SDK2: variants seen among roughly 807,000 people sequenced by gnomAD.
SDK2 encodes protein sidekick-2.
SDK2 carries 105 observed loss-of-function variants against 253.9 expected under a neutral mutation model. The observed-to-expected ratio is 0.41, with a 90% CI of 0.35 to 0.49. The LOEUF (loss-of-function observed/expected upper bound fraction) is 0.49. Ranked by LOEUF, SDK2 falls within the 20% of genes least tolerant of loss-of-function variation. The probability of loss-of-function intolerance (pLI) is 0.06; values close to 1 mark genes in which losing one functional copy is unlikely to be tolerated. For missense variants in SDK2, 2,608 were observed against 3,003.0 expected, an observed-to-expected ratio of 0.87 and a Z score of 3.07; for synonymous variants, 1,249 against 1,234.9, an observed-to-expected ratio of 1.01 and a Z score of -0.24.
At chr17:73,354,691 T>C (rs938618687) in intron 40 of SDK2, among the ~76,000 whole-genome samples, 5 of 152,150 alleles carry the variant, frequency 3.3e-5, no homozygotes, top group African/African-American at 1.2e-4. Flanking sequence ...ACAGTGGGTC[T>C]TCCAGGCCGC....
At chr17:73,594,926 C>T (rs1015345349) in intron 1 of SDK2, among the ~76,000 whole-genome samples, 1 of 152,104 alleles carries the variant, frequency 6.6e-6, no homozygotes, top group Non-Finnish European at 1.5e-5. Flanking sequence ...CACACCTGCA[C>T]ACAGCACACG....
At chr17:73,425,332 T>A (rs59231300) in intron 12 of SDK2, among the ~76,000 whole-genome samples, 10,373 of 152,184 alleles carry the variant, frequency 0.068, 615 homozygotes, top group African/African-American at 0.16. Flanking sequence ...ACTCAAAAGT[T>A]TTCTGATACT....
chr17:73,588,451 T>C (rs2045636982), intron 1 of SDK2, among the ~76,000 whole-genome samples: 1 of 150,576 alleles, frequency 6.6e-6, no homozygotes. Flanking sequence ...TCAGGCCTGA[T>C]GAATCAGAAA....
At chr17:73,636,836 C>G (rs922335625) in intron 1 of SDK2, among the ~76,000 whole-genome samples, 1 of 151,990 alleles carries the variant, frequency 6.6e-6, no homozygotes, top group African/African-American at 2.4e-5. Flanking sequence ...CACAGAAGTA[C>G]AAATATAGTT....
intron 5 of SDK2, among the ~76,000 whole-genome samples, chr17:73,445,452 G>T (rs2063446513): frequency 6.6e-6 from 1 of 152,182 alleles, no homozygotes; most frequent in African/African-American, 2.4e-5. Context: ...GTCCGAATGA[G>T]GTCACCAGGG....
chr17:73,611,892 G>A (rs1445440819), intron 1 of SDK2, among the ~76,000 whole-genome samples: 7 of 152,136 alleles, frequency 4.6e-5, no homozygotes, highest in Non-Finnish European at 1.5e-5. Context: ...CCCGGCTCTG[G>A]GCTTGGACAG....
chr17:73,439,888 T>C (rs2063400546), intron 6 of SDK2, among the ~76,000 whole-genome samples: 1 of 152,158 alleles, frequency 6.6e-6, no homozygotes, highest in Admixed American at 6.5e-5. Flanking sequence ...CTCTGGGTTC[T>C]GAAGTGGTGA....
intron 12 of SDK2, among the ~76,000 whole-genome samples, chr17:73,424,782 G>A (rs2063266018): frequency 6.6e-6 from 1 of 152,234 alleles, no homozygotes; most frequent in African/African-American, 2.4e-5. Flanking sequence ...GGAACCCGGT[G>A]GTGGCTGAGA....
chr17:73,597,585 C>A (rs147508824), intron 1 of SDK2, among the ~76,000 whole-genome samples: 2 of 152,216 alleles, frequency 1.3e-5, no homozygotes, highest in East Asian at 3.9e-4. Flanking sequence ...CCCAGCCCAC[C>A]GCTATCCTTA....
rs554281055 is a variant in SDK2, at chr17:73,357,879, G to A, written c.5593+200C>T. The A allele has an allele frequency of 1.1e-4, 88 of 795,606 alleles. 1 individual carries two copies. The highest frequency in any genetic ancestry group is 1.7e-4 in the Non-Finnish European group (78 of 465,832). 49.3% of individuals were successfully genotyped at this position (795,606 alleles called of 1,614,324 possible). On this transcript the variant is annotated intron_variant, in intron 40 of 44. Coordinates refer to ENST00000392650, the MANE Select transcript of SDK2 (RefSeq NM_001144952.2). ...AACAGCCGTTCTCTGGGGGCCTCCT[G>A]GGGGTTACTTAGCTAGGAGTCCAGC...
rs1248437429 is a variant in SDK2, at chr17:73,643,900, G to A, written c.64+125C>T. The A allele has an allele frequency of 8.6e-6, 7 of 815,296 alleles. No individual in the cohort carries two copies. Among genetic ancestry groups the A allele is most frequent in the Non-Finnish European group, 1.4e-5 (7 of 504,992 alleles). The allele number at this position is 815,296 out of a possible 1,614,324, so 50.5% of individuals were successfully genotyped here. A position where few individuals can be genotyped will look rare whatever the true frequency, so the allele number is the denominator to read the frequency against. On this transcript the variant is annotated intron_variant, in intron 1 of 44. Transcript: ENST00000392650. The surrounding 1 kb of genome is among the most constrained non-coding windows in gnomAD (Gnocchi z 6.9). The stretch of plus-strand genomic sequence containing the variant: ...ATGGGGTGTCTTGAAACTCCCTGGA[G>A]AGGGCTCTGCCACGGCTAAGCCGGG...
At chr17:73,423,303 G>A in intron 14 of SDK2, 83 bp downstream of exon 14, 2 of 1,254,062 alleles carry the variant, frequency 1.6e-6, no homozygotes, top group Non-Finnish European at 2.1e-6. Context: ...CTAGGAAGCA[G>A]GAGAGCTGGG....
In SDK2 at chr17:73,392,698, T is replaced by C. The variant is rs75245832; in HGVS notation, c.3898+862A>G. On this transcript the variant is annotated intron_variant, in intron 27 of 44. Coordinates refer to ENST00000392650, the MANE Select transcript of SDK2 (RefSeq NM_001144952.2). ...TGTTAGCATATGCAAACATATGGTA[T>C]TTGGGCTTCCTTCTGCACTCTGGTC... 6.6e-5 allele frequency among the ~76,000 whole-genome samples: 10 copies of C among 152,222 alleles called. No homozygotes were observed. The East Asian group carries it at 1.9e-3, about 29-fold the overall frequency.
At chr17:73,494,837 G>C (rs960398762) in intron 2 of SDK2, among the ~76,000 whole-genome samples, 3 of 152,242 alleles carry the variant, frequency 2.0e-5, no homozygotes, top group African/African-American at 7.2e-5. Flanking sequence ...CCAGGCCAGG[G>C]TGGGGGCACG....
In SDK2 at chr17:73,437,997, A is replaced by T; in HGVS notation, c.883T>A (p.Ser295Thr). The part of the protein sequence containing the change: ...EAVLRSSSVP[S>T]VVRGAYLSVL... ...GAGAGGTAGGCGCCCCGGACAACAG[A>T]GGGGACGCTGCTGCTGCGCAGGACA... The change falls in exon 7 of 45, where the codon TCT becomes ACT. Residue 295 changes from serine (S) to threonine (T), a missense_variant. Coordinates refer to ENST00000392650, the MANE Select transcript of SDK2 (RefSeq NM_001144952.2). The T allele has an allele frequency of 6.4e-7, 1 of 1,551,186 alleles. No individual in the cohort carries two copies. The highest frequency in any genetic ancestry group is 8.7e-7 in the Non-Finnish European group (1 of 1,146,826).
chr17:73,466,716 C>A (rs1050017677), intron 3 of SDK2, among the ~76,000 whole-genome samples: 1 of 50,434 alleles, frequency 2.0e-5, no homozygotes, highest in Non-Finnish European at 4.1e-5. Flanking sequence ...CTGGGGAACG[C>A]CCCCCCCCCC....
rs35411385 is a variant in SDK2 at position 73,447,960 on chromosome 17, C to G, written c.480-212G>C. On this transcript the variant is annotated intron_variant, in intron 4 of 44. Coordinates refer to ENST00000392650, the MANE Select transcript of SDK2 (RefSeq NM_001144952.2). This position sits in a 1 kb window ranked among gnomAD's most constrained non-coding sequence, Gnocchi z 4.0. ...ATGCTAAACACGGTGCTGATGCTGTCAACCAGACCCAGAGACAGCACGTTC... is the reference window on the plus strand; with the variant it reads ...ATGCTAAACACGGTGCTGATGCTGTGAACCAGACCCAGAGACAGCACGTTC... Among the ~76,000 whole-genome samples, 33,417 of 151,908 alleles carry G rather than the reference C, an allele frequency of 0.22. 4,525 individuals are homozygous for G. The highest frequency in any genetic ancestry group is 0.3 in the Non-Finnish European group (20,057 of 67,910).
chr17:73,584,155 G>A (rs988447554), intron 1 of SDK2, among the ~76,000 whole-genome samples: 5 of 152,228 alleles, frequency 3.3e-5, no homozygotes, highest in African/African-American at 1.2e-4. Context: ...TCCCAGCTGT[G>A]TCCTGCACAC....
rs2063410867 is a variant in SDK2 at position 73,440,943 on chromosome 17, T to C, written c.614-20A>G. ...CTACATCTGGAGAGAGATCAGATGTTAGCTGGGGGCGAGGCTGGAAATCCT... is the reference window on the plus strand; with the variant it reads ...CTACATCTGGAGAGAGATCAGATGTCAGCTGGGGGCGAGGCTGGAAATCCT... On this transcript the variant is annotated intron_variant, in intron 5 of 44. Transcript: ENST00000392650. 1.3e-6 allele frequency: 2 copies of C among 1,503,694 alleles called. No individual in the cohort carries two copies. Among genetic ancestry groups the C allele is most frequent in the Admixed American group, 2.0e-5 (1 of 50,514 alleles). 93.1% of individuals were successfully genotyped at this position (1,503,694 alleles called of 1,614,324 possible). A position where few individuals can be genotyped will look rare whatever the true frequency, so the allele number is the denominator to read the frequency against.
Sources: gnomAD v4.1 joint callset for allele counts (sites outside exome capture counted in the v4.1 genomes callset) on GRCh38, gnomAD v4.1.1 for gene constraint, Gnocchi (gnomAD v3.1) non-coding constraint, MANE v1.5 for transcripts, NCBI Gene and HGNC (gene_info 2026-07-23, HGNC 2026-07-21) for gene names.